The following TMEM131 variants were observed in gnomAD, a reference collection of about 807,000 sequenced individuals.
TMEM131 encodes the protein transmembrane protein 131, also known as 2610524E03Rik.
TMEM131 carries 66 observed loss-of-function variants against 211.6 expected under a neutral mutation model. The ratio of observed to expected loss-of-function variants is 0.31; its 90% confidence interval spans 0.26 to 0.38. The LOEUF is 0.38. Ranked by LOEUF, TMEM131 falls within the 10% of genes least tolerant of loss-of-function variation. TMEM131 has a pLI of 1.00. For missense variants in TMEM131, 2,036 were observed against 2,299.3 expected (o/e 0.89, Z 2.34); for synonymous variants, 844 against 841.3 (o/e 1.00, Z -0.06).
chr2:97,818,875 C>G (rs183971597), intron 11 of TMEM131, among the ~76,000 whole-genome samples, 154 bp from the exon 12 acceptor site: 1 of 152,164 alleles, frequency 6.6e-6, no homozygotes, highest in East Asian at 1.9e-4. Flanking sequence ...GTAGGCCACA[C>G]TGGAAAACTT....
chr2:97,924,766 G>C (rs1182006321), intron 2 of TMEM131, among the ~76,000 whole-genome samples: 1 of 152,214 alleles, frequency 6.6e-6, no homozygotes, highest in Non-Finnish European at 1.5e-5. Context: ...GAACCTCTTA[G>C]AGGAGGAATG....
In TMEM131 at chr2:97,758,082, A is replaced by G. The variant is rs1051586459; in HGVS notation, c.5368-699T>C. Reference sequence around the variant, plus strand: ...AGGAGGCGGAGCTTGCAGTGAGCCGAGATTGTGCCACTGCACTCCAGCCTG... The same window carrying G: ...AGGAGGCGGAGCTTGCAGTGAGCCGGGATTGTGCCACTGCACTCCAGCCTG... On this transcript the variant is annotated intron_variant, in intron 40 of 40. Transcript: ENST00000186436. 3.3e-5 allele frequency among the ~76,000 whole-genome samples: 5 copies of G among 151,474 alleles called. No individual in the cohort carries two copies. In the South Asian group the frequency reaches 6.2e-4, roughly 19 times the overall value.
intron 4 of TMEM131, among the ~76,000 whole-genome samples, chr2:97,867,127 C>T (rs1009352167): frequency 2.0e-5 from 3 of 152,214 alleles, no homozygotes; most frequent in African/African-American, 7.2e-5. Flanking sequence ...TCTTGGAGAA[C>T]ATTCTACATA....
At position 97,803,180 on chromosome 2, in the gene TMEM131, C is replaced by T. The variant is rs551407030; in HGVS notation, c.2403-390G>A. ...CATATAAAGATAATACATGATGTTA[C>T]GCAGATCCTAAAGGATCTTATGTGC... is the stretch of plus-strand genomic sequence containing the variant. On this transcript the variant is annotated intron_variant, in intron 22 of 40. Transcript: ENST00000186436. Among the ~76,000 whole-genome samples, 99 of 152,282 alleles carry T rather than the reference C, an allele frequency of 6.5e-4. 3 individuals carry two copies. The South Asian group carries it at 0.018, about 27-fold the overall frequency.
At chr2:97,836,430 A>G (rs1682944058) in intron 8 of TMEM131, among the ~76,000 whole-genome samples, 1 of 152,216 alleles carries the variant, frequency 6.6e-6, no homozygotes, top group Non-Finnish European at 1.5e-5. Flanking sequence ...TGAATTGACC[A>G]CAATTGCCTT....
At chr2:97,884,902 T>TA (rs2104232398) in intron 4 of TMEM131, among the ~76,000 whole-genome samples, 1 of 152,342 alleles carries the variant, frequency 6.6e-6, no homozygotes, top group South Asian at 2.1e-4. Context: ...TGAACCCATT[T>TA]ACATTCAAGG....
chr2:97,782,366 C>T (rs1680051709), intron 31 of TMEM131, among the ~76,000 whole-genome samples: 1 of 152,216 alleles, frequency 6.6e-6, no homozygotes, highest in African/African-American at 2.4e-5. Flanking sequence ...CCAGAGCAGT[C>T]AGAGAAAGCC....
At chr2:97,961,286 T>C (rs1395450396) in intron 1 of TMEM131, among the ~76,000 whole-genome samples, 5 of 152,184 alleles carry the variant, frequency 3.3e-5, no homozygotes, top group Admixed American at 6.5e-5. Context: ...TACAATCGGT[T>C]GTATACAGAA....
chr2:97,955,138 G>A lies in TMEM131; in HGVS notation c.188-27651C>T, dbSNP rs142821646. On this transcript the variant is annotated intron_variant, in intron 1 of 40. Coordinates refer to ENST00000186436, the MANE Select transcript of TMEM131 (RefSeq NM_015348.2). ...ATAGAAAAAGGACTACACACCATAA[G>A]CAGAATTTATCCGAAATATGCAAGA... 7.6e-3 allele frequency among the ~76,000 whole-genome samples: 1,149 copies of A among 151,432 alleles called. 8 individuals are homozygous for A. The highest frequency in any genetic ancestry group is 0.013 in the Non-Finnish European group (866 of 67,874).
intron 3 of TMEM131, among the ~76,000 whole-genome samples, chr2:97,901,657 T>C (rs1338897867): frequency 1.3e-5 from 2 of 152,198 alleles, no homozygotes; most frequent in African/African-American, 2.4e-5. Context: ...CTGGAGTTTA[T>C]GTTAAGTGAA....
chr2:97,856,446 G>A (rs140374596), intron 5 of TMEM131, among the ~76,000 whole-genome samples: 11 of 152,162 alleles, frequency 7.2e-5, no homozygotes, highest in Middle Eastern at 3.4e-3. Flanking sequence ...TTGCATGTGC[G>A]TGTTAAAATA....
chr2:97,976,986 G>C (rs1573641964), intron 1 of TMEM131, among the ~76,000 whole-genome samples: 1 of 145,136 alleles, frequency 6.9e-6, no homozygotes, highest in Admixed American at 6.8e-5. Context: ...AAAGAACTTG[G>C]GTACAAAACT....
chr2:97,941,129 T>C (rs1399680974), intron 1 of TMEM131, among the ~76,000 whole-genome samples: 2 of 152,118 alleles, frequency 1.3e-5, no homozygotes, highest in Non-Finnish European at 2.9e-5. Context: ...AACAGAGATA[T>C]AGATCAATGA....
chr2:97,915,831 A>G (rs1028600844), intron 2 of TMEM131, among the ~76,000 whole-genome samples: 15 of 152,114 alleles, frequency 9.9e-5, no homozygotes, highest in African/African-American at 3.1e-4. Flanking sequence ...GTTTTTGTTT[A>G]AGGTGTGAGA....
intron 1 of TMEM131, among the ~76,000 whole-genome samples, chr2:97,995,040 A>G (rs1000813236): frequency 2.6e-5 from 4 of 152,232 alleles, no homozygotes; most frequent in African/African-American, 9.6e-5. Context: ...CCTCGAAGAA[A>G]TGTCTGAACA....
rs910557294 is a variant in TMEM131 at position 97,805,706 on chromosome 2, G to T, written c.2056-3C>A. The T allele has an allele frequency of 6.3e-7, 1 of 1,580,706 alleles. No homozygotes were observed. The highest frequency in any genetic ancestry group is 1.4e-5 in the African/African-American group (1 of 73,552). On this transcript the variant is annotated splice_region_variant and splice_polypyrimidine_tract_variant and intron_variant, in intron 19 of 40. Coordinates refer to ENST00000186436, the MANE Select transcript of TMEM131 (RefSeq NM_015348.2). ...AAACTTTGATGAACTATTTTCCCCTGAAGGAAGAAAGCAAAGAACAAACTC... is the reference window on the plus strand; with the variant it reads ...AAACTTTGATGAACTATTTTCCCCTTAAGGAAGAAAGCAAAGAACAAACTC...
At chr2:97,988,718 G>T (rs1055268345) in intron 1 of TMEM131, among the ~76,000 whole-genome samples, 1 of 152,104 alleles carries the variant, frequency 6.6e-6, no homozygotes, top group East Asian at 1.9e-4. Context: ...ATACCACAAT[G>T]AGATAGCACC....
chr2:97,807,762 G>A (rs1045855345), intron 19 of TMEM131, among the ~76,000 whole-genome samples: 5 of 152,082 alleles, frequency 3.3e-5, no homozygotes, highest in African/African-American at 9.7e-5. Context: ...CAGAGTTTAC[G>A]CAGAGATTAA....
At position 97,758,481 on chromosome 2, in the gene TMEM131, C is replaced by T. The variant is rs80170561; in HGVS notation, c.5367+412G>A. Among the ~76,000 whole-genome samples, 18 of 152,350 alleles carry T rather than the reference C, an allele frequency of 1.2e-4. No individual in the cohort carries two copies. The East Asian group carries it at 3.5e-3, about 29-fold the overall frequency. ...GTGCTTCTCAGCAACAAAGTAAATG[C>T]AGTATCTAGCTTGCTCCTGGGTGGC... is the stretch of plus-strand genomic sequence containing the variant. On this transcript the variant is annotated intron_variant, in intron 40 of 40. Coordinates refer to ENST00000186436, the MANE Select transcript of TMEM131 (RefSeq NM_015348.2).
Sources: allele counts gnomAD v4.1 joint callset (sites outside exome capture counted in the v4.1 genomes callset), GRCh38; gene constraint gnomAD v4.1.1; transcripts MANE v1.5; gene names NCBI Gene and HGNC (gene_info 2026-07-23, HGNC 2026-07-21).